The following LRGUK variants were observed in gnomAD, a reference collection of about 807,000 sequenced individuals.
LRGUK encodes the protein leucine-rich repeat and guanylate kinase domain-containing protein.
A neutral mutation model predicts 76.0 loss-of-function variants in LRGUK; 65 were observed. That is an observed-to-expected ratio of 0.85 (90% confidence interval 0.70 to 1.05). The LOEUF is 1.05. Among genes scored for constraint, LRGUK ranks in the 50% least tolerant of loss-of-function variants. The pLI is 0.00. For synonymous variants in LRGUK, 268 were observed against 265.6 expected (o/e 1.01, Z -0.09); for missense variants, 758 against 732.8 (o/e 1.03, Z -0.40).
intron 7 of LRGUK, among the ~76,000 whole-genome samples, chr7:134,174,289 G>A (rs1169333415): frequency 1.3e-5 from 2 of 152,066 alleles, no homozygotes; most frequent in African/African-American, 4.8e-5. Flanking sequence ...CTGCCTTAAA[G>A]TGAACATGGA....
intron 6 of LRGUK, among the ~76,000 whole-genome samples, chr7:134,161,845 C>T (rs894407361): frequency 2.0e-5 from 3 of 151,158 alleles, no homozygotes; most frequent in Non-Finnish European, 4.4e-5. Context: ...CACCCGCCAC[C>T]ACGCCTGGCT....
At chr7:134,153,354 G>A (rs532271520) in intron 5 of LRGUK, among the ~76,000 whole-genome samples, 10 of 152,020 alleles carry the variant, frequency 6.6e-5, no homozygotes, top group African/African-American at 2.4e-4. Context: ...GTGGATAATT[G>A]ATGATTAATT....
chr7:134,196,297 C>T (rs1800485007), intron 12 of LRGUK, among the ~76,000 whole-genome samples: 1 of 150,822 alleles, frequency 6.6e-6, no homozygotes. Context: ...TTTACTTGCC[C>T]CACCCCTCCT....
intron 1 of LRGUK, among the ~76,000 whole-genome samples, chr7:134,136,324 C>T (rs1182989967): frequency 6.6e-6 from 1 of 152,162 alleles, no homozygotes; most frequent in Admixed American, 6.5e-5. Flanking sequence ...TGATCATCAC[C>T]TTTTTAAAAA....
chr7:134,134,262 G>A (rs1263067461), intron 1 of LRGUK, among the ~76,000 whole-genome samples: 1 of 152,080 alleles, frequency 6.6e-6, no homozygotes, highest in African/African-American at 2.4e-5. Context: ...AGAAACACTG[G>A]GGTCTGAGGT....
At chr7:134,132,368 A>C (rs1183264992) in intron 1 of LRGUK, among the ~76,000 whole-genome samples, 1 of 152,152 alleles carries the variant, frequency 6.6e-6, no homozygotes, top group Non-Finnish European at 1.5e-5. Flanking sequence ...AAAATAAAAA[A>C]AAAAGAAGAT....
intron 16 of LRGUK, among the ~76,000 whole-genome samples, chr7:134,224,258 A>G (rs575464272): frequency 6.6e-6 from 1 of 152,320 alleles, no homozygotes; most frequent in East Asian, 1.9e-4. Context: ...CTGCACCCTG[A>G]CAATCAGAGG....
intron 18 of LRGUK, among the ~76,000 whole-genome samples, chr7:134,257,910 A>C (rs921712197): frequency 6.6e-6 from 1 of 152,200 alleles, no homozygotes; most frequent in African/African-American, 2.4e-5. Context: ...TATCCTTGAA[A>C]TAGCACTGAT....
chr7:134,172,415 T>G (rs1799293038), intron 7 of LRGUK, among the ~76,000 whole-genome samples: 1 of 152,196 alleles, frequency 6.6e-6, no homozygotes, highest in African/African-American at 2.4e-5. Context: ...ATCCAGATGG[T>G]GATGCTTAGA....
At chr7:134,272,787 G>A in the LRGUK span, among the ~76,000 whole-genome samples, 1 of 152,132 alleles carries the variant, frequency 6.6e-6, no homozygotes, top group Non-Finnish European at 1.5e-5. Flanking sequence ...GATTAAGCTA[G>A]GTAATGCATC....
At chr7:134,165,669 T>G (rs967381373) in intron 7 of LRGUK, among the ~76,000 whole-genome samples, 24 of 152,254 alleles carry the variant, frequency 1.6e-4, no homozygotes, top group African/African-American at 5.5e-4. Context: ...TTCTGTTGTT[T>G]CATACTAAGT....
chr7:134,222,478 T>C (rs889217033), intron 16 of LRGUK, among the ~76,000 whole-genome samples: 1 of 152,240 alleles, frequency 6.6e-6, no homozygotes, highest in Non-Finnish European at 1.5e-5. Context: ...TTTTATGTGA[T>C]GATCTGGGAA....
chr7:134,150,491 A>AG (rs924421832), intron 5 of LRGUK, among the ~76,000 whole-genome samples: 5 of 151,134 alleles, frequency 3.3e-5, no homozygotes, highest in Non-Finnish European at 7.4e-5. Flanking sequence ...AAAAAAAAAA[A>AG]AAAAGAAAAA....
At chr7:134,264,273 A>C (rs1476838177) in exon 20 of LRGUK, 4 of 228,736 alleles carry the variant, frequency 1.7e-5, no homozygotes, top group Non-Finnish European at 3.3e-5. Context: ...GCTATAAATA[A>C]TTTTTTCCAC....
intron 16 of LRGUK, among the ~76,000 whole-genome samples, chr7:134,231,843 C>T (rs973271918): frequency 1.3e-5 from 2 of 149,362 alleles, no homozygotes; most frequent in African/African-American, 4.9e-5. Context: ...TACTTTCTCT[C>T]TCCCTTCCTT....
At chr7:134,191,578 CAT>C (rs1205955169) in intron 11 of LRGUK, 75 bp from the exon 12 acceptor site, 45 of 967,856 alleles carry the variant, frequency 4.6e-5, no homozygotes, top group Non-Finnish European at 6.9e-5. Flanking sequence ...TTTTTTAAAA[CAT>C]AATTTATATT....
chr7:134,249,073 A>G lies in LRGUK; in HGVS notation c.2195A>G (p.Lys732Arg), dbSNP rs751370783. 2.5e-5 allele frequency: 40 copies of G among 1,575,040 alleles called. 1 individual carries two copies. The highest frequency in any genetic ancestry group is 3.4e-5 in the Non-Finnish European group (40 of 1,162,112). Reference sequence around the variant, plus strand: ...CCTCCATTTGGACCATATCCTGAAAAGAGGTGAGTTGAGGTGTTTTGTTGG... The same window carrying G: ...CCTCCATTTGGACCATATCCTGAAAGGAGGTGAGTTGAGGTGTTTTGTTGG... The change falls in exon 18 of 20, where the codon AAG becomes AGG. Residue 732 changes from lysine (K) to arginine (R), a missense_variant. By Grantham distance (26) the Lys-to-Arg change is conservative. Coordinates refer to the LRGUK transcript ENST00000285928.
intron 10 of LRGUK, among the ~76,000 whole-genome samples, chr7:134,180,072 C>T (rs1799672942): frequency 1.3e-5 from 2 of 152,204 alleles, no homozygotes; most frequent in African/African-American, 4.8e-5. Context: ...TAGCTTCTTA[C>T]CTTCTGATAT....
chr7:134,201,522 A>G (rs138755517), exon 15 of LRGUK: 10 of 1,613,704 alleles, frequency 6.2e-6, no homozygotes, highest in Non-Finnish European at 8.5e-6. Flanking sequence ...TCAGCTCATT[A>G]GAGAATACCT....
Sources: allele counts gnomAD v4.1 joint callset (sites outside exome capture counted in the v4.1 genomes callset), GRCh38; gene constraint gnomAD v4.1.1; transcripts MANE v1.5; gene names NCBI Gene and HGNC (gene_info 2026-07-23, HGNC 2026-07-21).